DHX9: variants seen among roughly 807,000 people sequenced by gnomAD.
DHX9 encodes the protein DExH-box helicase 9.
In DHX9, 27 loss-of-function variants were observed where a neutral mutation model predicts 148.7. The observed-to-expected ratio is 0.18, with a 90% CI of 0.13 to 0.25. The LOEUF (loss-of-function observed/expected upper bound fraction) is 0.25. Ranked by LOEUF, DHX9 falls within the 10% of genes least tolerant of loss-of-function variation. The probability of loss-of-function intolerance (pLI) is 1.00; values close to 1 mark genes in which losing one functional copy is unlikely to be tolerated. For synonymous variants in DHX9, 529 were observed against 516.6 expected, an observed-to-expected ratio of 1.02 and a Z score of -0.33; for missense variants, 796 against 1,559.6, an observed-to-expected ratio of 0.51 and a Z score of 8.25.
At position 182,887,187 on chromosome 1, in the gene DHX9, A is replaced by G. The variant is rs1370391733; in HGVS notation, c.3566A>G (p.Tyr1189Cys). ...AGTGGTGGAGGCTATGGCGGTGGCT[A>G]TAGCAGTGGAGGCTATGGTAGCGGA... ...SYSGGGYGGG[Y>C]SSGGYGSGGY... The change falls in exon 28 of 28, where the codon TAT (tyrosine) becomes TGT (cysteine). Residue 1189 changes from tyrosine to cysteine, a missense_variant. Around this residue, in one of 14 missense-constraint regions of DHX9, gnomAD observed 98 missense variants for 105.5 expected, o/e 0.93. Coordinates refer to ENST00000367549, the MANE Select transcript of DHX9 (RefSeq NM_001357.5). The G allele has an allele frequency of 6.2e-7, 1 of 1,614,136 alleles. No homozygotes were observed.
At chr1:182,866,691 A>G in intron 13 of DHX9, 106 bp downstream of exon 13, 1 of 1,370,290 alleles carries the variant, frequency 7.3e-7, no homozygotes, top group Non-Finnish European at 9.9e-7. Flanking sequence ...CCAGTCTCAG[A>G]TTTCTTGTTT....
At chr1:182,860,506 T>A (rs1668341771) in intron 12 of DHX9, among the ~76,000 whole-genome samples, 1 of 152,232 alleles carries the variant, frequency 6.6e-6, no homozygotes, top group African/African-American at 2.4e-5. Context: ...CACCTTGATA[T>A]TGAGTAAAAA....
intron 12 of DHX9, among the ~76,000 whole-genome samples, chr1:182,861,323 A>AT (rs1329687221): frequency 4.6e-5 from 7 of 152,052 alleles, no homozygotes; most frequent in Non-Finnish European, 8.8e-5. Flanking sequence ...ATTTTCTTTG[A>AT]TTTTCCGACT....
At chr1:182,860,540 C>CT (rs1668342256) in intron 12 of DHX9, among the ~76,000 whole-genome samples, 1 of 152,202 alleles carries the variant, frequency 6.6e-6, no homozygotes, top group Non-Finnish European at 1.5e-5. Flanking sequence ...TAATGGTTAA[C>CT]TTTCACTGTA....
intron 12 of DHX9, among the ~76,000 whole-genome samples, chr1:182,865,573 C>T (rs1355831332): frequency 1.3e-5 from 2 of 152,180 alleles, no homozygotes; most frequent in Non-Finnish European, 1.5e-5. Flanking sequence ...CAAAATTCTA[C>T]ACAGTATGTT....
At chr1:182,858,499 C>G in intron 8 of DHX9, 52 bp from the exon 9 acceptor site, 1 of 1,460,720 alleles carries the variant, frequency 6.8e-7, no homozygotes, top group South Asian at 1.2e-5. Context: ...AGTCTTAGCC[C>G]CATTATAGTA....
chr1:182,869,956 A>G (rs1362045970), intron 14 of DHX9, among the ~76,000 whole-genome samples: 2 of 152,194 alleles, frequency 1.3e-5, no homozygotes, highest in African/African-American at 4.8e-5. Context: ...CTGTCACCTT[A>G]CATAGAAAAC....
intron 5 of DHX9, 92 bp from the exon 6 acceptor site, chr1:182,853,938 A>G: frequency 8.8e-7 from 1 of 1,141,948 alleles, no homozygotes; most frequent in Non-Finnish European, 1.2e-6. Flanking sequence ...TGCATTATAA[A>G]GGATAGTACA....
intron 20 of DHX9, among the ~76,000 whole-genome samples, chr1:182,879,005 T>C (rs560852421): frequency 6.6e-6 from 1 of 152,346 alleles, no homozygotes; most frequent in South Asian, 2.1e-4. Context: ...TTTGGATAAT[T>C]TTTTCATTTT....
intron 12 of DHX9, 27 bp downstream of exon 12, chr1:182,860,211 C>T: frequency 6.6e-7 from 1 of 1,510,594 alleles, no homozygotes; most frequent in African/African-American, 1.4e-5. Context: ...CCATGAAATA[C>T]CTAGAGAGCA....
At chr1:182,860,235 T>C in intron 12 of DHX9, 51 bp downstream of exon 12, 1 of 1,380,518 alleles carries the variant, frequency 7.2e-7, no homozygotes, top group Non-Finnish European at 9.7e-7. Context: ...TATTTCTGAT[T>C]CTTTCTTTGA....
chr1:182,839,366 CATGCGAG>C lies in DHX9; in HGVS notation c.-112_-106del, dbSNP rs1235788979. 1 of 152,366 alleles carries C rather than the reference CATGCGAG, an allele frequency of 6.6e-6. No homozygotes were observed. Among genetic ancestry groups the C allele is most frequent in the Non-Finnish European group, 1.5e-5 (1 of 68,162 alleles). 9.4% of individuals were successfully genotyped at this position (152,366 alleles called of 1,614,324 possible). A position where few individuals can be genotyped will look rare whatever the true frequency, so the allele number is the denominator to read the frequency against. Reference sequence around the variant, plus strand: ...GTCGGAGCCATTTCGCCGATTCCTCCATGCGAGTTGCTGTGCGTTTCTCTGTTGTCTC... The same window carrying C: ...GTCGGAGCCATTTCGCCGATTCCTCCTTGCTGTGCGTTTCTCTGTTGTCTC... On this transcript the variant is annotated 5_prime_UTR_variant, in exon 1 of 28. An upstream start codon of the reference 5' UTR is lost. Transcript: ENST00000367549.
chr1:182,871,504 T>C (rs1470010594), intron 14 of DHX9, among the ~76,000 whole-genome samples: 2 of 152,242 alleles, frequency 1.3e-5, no homozygotes, highest in African/African-American at 4.8e-5. Context: ...ACCCTATAGC[T>C]TGGCAATTCC....
intron 10 of DHX9, 63 bp from the exon 11 acceptor site, chr1:182,858,977 T>C (rs1415755776): frequency 6.8e-6 from 11 of 1,610,594 alleles, no homozygotes; most frequent in Non-Finnish European, 8.5e-7. Flanking sequence ...AGGTAAAAAA[T>C]GGATTTATTT....
At chr1:182,849,963 T>C (rs1287761214) in intron 3 of DHX9, among the ~76,000 whole-genome samples, 1 of 150,438 alleles carries the variant, frequency 6.6e-6, no homozygotes, top group Non-Finnish European at 1.5e-5. Context: ...AACTGGTTCA[T>C]TGTAAAGTGT....
rs762063040 is a variant in DHX9 at position 182,853,467 on chromosome 1, T to C, written c.477+49T>C. The C allele has an allele frequency of 2.9e-6, 4 of 1,377,252 alleles. No homozygotes were observed. In the Admixed American group the frequency reaches 5.4e-5, roughly 19 times the overall value. The allele number at this position is 1,377,252 out of a possible 1,614,324, so 85.3% of individuals were successfully genotyped here. ...ATCTCTGAGAATGTGATTTGGGACT[T>C]AGTTAACAGCAAAGCTTAGGATTAG... On this transcript the variant is annotated intron_variant, in intron 5 of 27. Coordinates refer to ENST00000367549, the MANE Select transcript of DHX9 (RefSeq NM_001357.5).
Position 182,866,950 on chromosome 1 carries a change from T to C in DHX9, c.1475-11T>C. The C allele has an allele frequency of 1.2e-6, 2 of 1,600,220 alleles. No individual in the cohort carries two copies. The highest frequency in any genetic ancestry group is 1.3e-5 in the African/African-American group (1 of 74,282). ...CTTTTCTATAGTTTATTGATTGTTT[T>C]TCTTTTCAAGGTGTGCTCCTGAGAA... On this transcript the variant is annotated splice_polypyrimidine_tract_variant and intron_variant, in intron 13 of 27. Transcript: ENST00000367549.
At chr1:182,873,986 G>GA (rs952582808) in intron 15 of DHX9, among the ~76,000 whole-genome samples, 1 of 151,584 alleles carries the variant, frequency 6.6e-6, no homozygotes, top group Non-Finnish European at 1.5e-5. Flanking sequence ...ACAGTTTGAG[G>GA]AAAAAAAATA....
At position 182,860,120 on chromosome 1, in the gene DHX9, A is replaced by G. The variant is rs1400619585; in HGVS notation, c.1268A>G (p.Gln423Arg). 1 of 1,613,886 alleles carries G rather than the reference A, an allele frequency of 6.2e-7. No homozygotes were observed. Among genetic ancestry groups the G allele is most frequent in the Non-Finnish European group, 8.5e-7 (1 of 1,179,922 alleles). The change falls in exon 12 of 28, where the codon CAG (glutamine) becomes CGG (arginine). Residue 423 changes from glutamine (Q) to arginine (R), a missense_variant. Transcript: ENST00000367549. ...TGCGKTTQVP[Q>R]FILDDFIQND... The stretch of plus-strand genomic sequence containing the variant: ...TGTGGGAAAACCACACAGGTTCCCC[A>G]GTTCATTCTAGATGACTTTATCCAG...
Sources: allele counts gnomAD v4.1 joint callset (sites outside exome capture counted in the v4.1 genomes callset), GRCh38; gene constraint gnomAD v4.1.1; regional missense constraint gnomAD v4.1.1; transcripts MANE v1.5; gene names NCBI Gene and HGNC (gene_info 2026-07-23, HGNC 2026-07-21).